Variants in AFF1 observed in about 807,000 individuals in gnomAD.
AFF1 encodes AF4/FMR2 family member 1.
In AFF1, 48 loss-of-function variants were observed where a neutral mutation model predicts 121.7. That is an observed-to-expected ratio of 0.39 (90% CI 0.31 to 0.50). The LOEUF (loss-of-function observed/expected upper bound fraction) is 0.50, where lower values mean the gene tolerates loss of function less well. AFF1 is among the 20% of genes least tolerant of loss of function. The pLI, the probability that AFF1 is intolerant of heterozygous loss-of-function variation, is 0.76. For synonymous variants in AFF1, 613 were observed against 563.0 expected (o/e 1.09, Z -1.26); for missense variants, 1,523 against 1,511.7 (o/e 1.01, Z -0.12).
In AFF1 at chr4:87,011,213, T is replaced by A. The variant is rs556901094; in HGVS notation, c.39-34953T>A. Among the ~76,000 whole-genome samples, 21 of 152,272 alleles carry A rather than the reference T, an allele frequency of 1.4e-4. No homozygotes were observed. The East Asian group carries it at 2.1e-3, about 15-fold the overall frequency. On this transcript the variant is annotated intron_variant, in intron 2 of 20. Transcript: ENST00000395146. ...CTTGCTTCTTTGGGAGAGTTGAATCTGGTGGCTGAGCACGGAGCTTCTCAA... is the reference window on the plus strand; with the variant it reads ...CTTGCTTCTTTGGGAGAGTTGAATCAGGTGGCTGAGCACGGAGCTTCTCAA...
chr4:86,990,867 C>T (rs1724646317), intron 2 of AFF1, among the ~76,000 whole-genome samples: 1 of 152,112 alleles, frequency 6.6e-6, no homozygotes, highest in Admixed American at 6.6e-5. Context: ...AATATGTAAC[C>T]TAGGCTGAGC....
chr4:87,026,258 A>G (rs1248802251), intron 2 of AFF1, among the ~76,000 whole-genome samples: 1 of 152,098 alleles, frequency 6.6e-6, no homozygotes, highest in African/African-American at 2.4e-5. Flanking sequence ...ATGCACACCC[A>G]GCTAATTTTT....
At chr4:87,023,586 A>T (rs1728245528) in intron 2 of AFF1, among the ~76,000 whole-genome samples, 1 of 152,238 alleles carries the variant, frequency 6.6e-6, no homozygotes, top group African/African-American at 2.4e-5. Context: ...AATTAAAAAA[A>T]GTGTAGATAG....
intron 4 of AFF1, among the ~76,000 whole-genome samples, chr4:87,076,892 A>G (rs1281354678): frequency 6.6e-6 from 1 of 152,210 alleles, no homozygotes; most frequent in African/African-American, 2.4e-5. Flanking sequence ...TTAGCTATTT[A>G]TGTAATTTAC....
At chr4:87,127,178 C>T in intron 15 of AFF1, 61 bp downstream of exon 15, 2 of 1,298,796 alleles carry the variant, frequency 1.5e-6, no homozygotes, top group South Asian at 1.2e-5. Flanking sequence ...CCCCCCCCAC[C>T]AAGATAGAGT....
At chr4:87,121,981 C>G (rs562791961) in intron 12 of AFF1, among the ~76,000 whole-genome samples, 1 of 152,344 alleles carries the variant, frequency 6.6e-6, no homozygotes, top group Admixed American at 6.5e-5. Context: ...CAAAAATCAG[C>G]TCTCATTTCA....
intron 5 of AFF1, among the ~76,000 whole-genome samples, chr4:87,089,049 C>G (rs541068697): frequency 1.3e-5 from 2 of 152,068 alleles, no homozygotes; most frequent in Non-Finnish European, 2.9e-5. Context: ...GGCCGCATGT[C>G]GAGTATTAAG....
intron 2 of AFF1, among the ~76,000 whole-genome samples, chr4:86,951,612 TTTCTTTTTTTC>T (rs1315873548): frequency 1.3e-4 from 14 of 109,334 alleles, no homozygotes; most frequent in African/African-American, 4.3e-4. Context: ...CTTTTTCTTT[TTTCTTTTTTTC>T]TTTTTTTTTT....
At chr4:87,085,310 A>C (rs1329971075) in intron 5 of AFF1, among the ~76,000 whole-genome samples, 2 of 152,134 alleles carry the variant, frequency 1.3e-5, no homozygotes, top group Admixed American at 1.3e-4. Flanking sequence ...TTTAATGCTC[A>C]GGTACAGTAA....
chr4:87,013,942 A>T (rs190713302), intron 2 of AFF1, among the ~76,000 whole-genome samples: 7 of 152,228 alleles, frequency 4.6e-5, no homozygotes, highest in African/African-American at 1.7e-4. Context: ...TGTGAGTGAG[A>T]GAGATCATAT....
intron 2 of AFF1, among the ~76,000 whole-genome samples, chr4:87,024,896 G>A (rs924638184): frequency 1.3e-5 from 2 of 152,160 alleles, no homozygotes; most frequent in African/African-American, 2.4e-5. Context: ...GCCCAGCCCC[G>A]ATCCTGATCC....
intron 2 of AFF1, among the ~76,000 whole-genome samples, chr4:87,039,564 C>A (rs566974558): frequency 6.8e-4 from 103 of 152,332 alleles, no homozygotes; most frequent in African/African-American, 2.3e-3. Context: ...TGAGTTTTCA[C>A]ATGTGACTGA....
chr4:86,936,576 A>G (rs911347001), intron 1 of AFF1: 1 of 152,122 alleles, frequency 6.6e-6, no homozygotes, highest in African/African-American at 2.4e-5. Flanking sequence ...CCCAGAGTCT[A>G]GTTTTTTTTC....
intron 2 of AFF1, among the ~76,000 whole-genome samples, chr4:86,987,582 C>T (rs1191085541): frequency 6.6e-6 from 1 of 152,182 alleles, no homozygotes; most frequent in Non-Finnish European, 1.5e-5. Context: ...ATGTGGAAAC[C>T]AGAAGCAATA....
chr4:87,085,336 GTTTTGTGTAT>G lies in AFF1; in HGVS notation c.1104+1177_1104+1186del, dbSNP rs564650433. On this transcript the variant is annotated intron_variant, in intron 5 of 20. Transcript: ENST00000395146. The stretch of plus-strand genomic sequence containing the variant: ...GGTACAGTAATTGTAAAAACTGAGG[GTTTTGTGTAT>G]TTTTTATCCCTCTTCTGTGGCCTTT... 5.2e-3 allele frequency among the ~76,000 whole-genome samples: 784 copies of G among 151,990 alleles called. 8 individuals are homozygous for G. The highest frequency in any genetic ancestry group is 0.018 in the African/African-American group (735 of 41,470).
intron 2 of AFF1, among the ~76,000 whole-genome samples, chr4:86,984,467 G>A (rs548712282): frequency 2.1e-4 from 32 of 151,954 alleles, no homozygotes; most frequent in Non-Finnish European, 4.3e-4. Flanking sequence ...GAGACTAGGC[G>A]CACGTCACCA....
chr4:86,985,181 C>CTATATATATATATATATATA lies in AFF1; in HGVS notation c.38+36625_38+36644dup, dbSNP rs55891819. 2.9e-3 allele frequency among the ~76,000 whole-genome samples: 278 copies of CTATATATATATATATATATA among 96,362 alleles called. 1 individual carries two copies. Among genetic ancestry groups the CTATATATATATATATATATA allele is most frequent in the East Asian group, 5.7e-3 (19 of 3,310 alleles). The allele number at this position is 96,362 out of a possible 152,430, so 63.2% of individuals were successfully genotyped here. A position where few individuals can be genotyped will look rare whatever the true frequency, so the allele number is the denominator to read the frequency against. On this transcript the variant is annotated intron_variant, in intron 2 of 20. Coordinates refer to ENST00000395146, the MANE Select transcript of AFF1 (RefSeq NM_001166693.3). ...AATATAATATATATAATATGTATTACTATATATATATATATATATATATAT... is the reference window on the plus strand; with the variant it reads ...AATATAATATATATAATATGTATTACTATATATATATATATATATATATATATATATATATATATATATAT...
At chr4:87,018,869 C>T (rs1372313015) in intron 2 of AFF1, among the ~76,000 whole-genome samples, 1 of 152,118 alleles carries the variant, frequency 6.6e-6, no homozygotes, top group Non-Finnish European at 1.5e-5. Context: ...TTCGAGAGGA[C>T]ATTTTTCTTT....
intron 1 of AFF1, among the ~76,000 whole-genome samples, chr4:86,947,507 A>G (rs1720949188): frequency 6.6e-6 from 1 of 152,246 alleles, no homozygotes; most frequent in Admixed American, 6.5e-5. Flanking sequence ...GTGTGTTTCC[A>G]TTTGTATCAA....
Sources: allele counts gnomAD v4.1 joint callset (sites outside exome capture counted in the v4.1 genomes callset), GRCh38; gene constraint gnomAD v4.1.1; transcripts MANE v1.5; gene names NCBI Gene and HGNC (gene_info 2026-07-23, HGNC 2026-07-21).